The following TOP1MT variants were observed in gnomAD, a reference collection of about 807,000 sequenced individuals.
TOP1MT encodes DNA topoisomerase I mitochondrial.
TOP1MT carries 80 observed loss-of-function variants against 73.9 expected under a neutral mutation model. That is an observed-to-expected ratio of 1.08 (90% CI 0.90 to 1.30). The LOEUF (loss-of-function observed/expected upper bound fraction) is 1.30, where lower values mean the gene tolerates loss of function less well. Among genes scored for constraint, TOP1MT ranks in the 50% most tolerant of loss-of-function variants. The pLI, the probability that TOP1MT is intolerant of heterozygous loss-of-function variation, is 0.00. For missense variants in TOP1MT, 815 were observed against 808.0 expected (o/e 1.01, Z -0.10); for synonymous variants, 338 against 326.4 (o/e 1.04, Z -0.38).
At chr8:143,311,085 T>C (rs1040970945) in intron 12 of TOP1MT, among the ~76,000 whole-genome samples, 3 of 149,646 alleles carry the variant, frequency 2.0e-5, no homozygotes, top group African/African-American at 7.3e-5. Context: ...CCTGAGTAGC[T>C]GGGACTACAG....
intron 8 of TOP1MT, 103 bp from the exon 9 acceptor site, chr8:143,318,189 T>G: frequency 9.7e-7 from 1 of 1,026,724 alleles, no homozygotes; most frequent in Admixed American, 2.0e-5. Context: ...GAGGCTTCCC[T>G]GAGGAAGGTG....
At chr8:143,348,258 A>T (rs1817261993), upstream of TOP1MT, among the ~76,000 whole-genome samples, 1 of 152,220 alleles carries the variant, frequency 6.6e-6, no homozygotes, top group African/African-American at 2.4e-5. This position sits in a 1 kb window ranked among gnomAD's most constrained non-coding sequence, Gnocchi z 4.6. Flanking sequence ...CATGTGAGAA[A>T]ATCACAAGAA....
Position 143,324,491 on chromosome 8 carries a change from C to G in TOP1MT, c.810G>C (p.Lys270Asn). Residue 270 changes from lysine (K) to asparagine (N), a missense_variant, in exon 6 of 14, where the codon AAG (lysine) becomes AAC (asparagine). Transcript: ENST00000329245. ...IKYIMLNPCS[K>N]LKGETAWQKF... ...TGCCAAGCCCTGCGCTCACCTTCAGCTTCGAGCAAGGGTTCAGCATGATGT... is the reference window on the plus strand; with the variant it reads ...TGCCAAGCCCTGCGCTCACCTTCAGGTTCGAGCAAGGGTTCAGCATGATGT... 6.2e-7 allele frequency: 1 copy of G among 1,613,974 alleles called. No individual in the cohort carries two copies. The highest frequency in any genetic ancestry group is 8.5e-7 in the Non-Finnish European group (1 of 1,180,022).
intron 7 of TOP1MT, among the ~76,000 whole-genome samples, chr8:143,323,199 C>A: frequency 7.8e-6 from 1 of 128,940 alleles, no homozygotes; most frequent in South Asian, 2.5e-4. Context: ...ACGCATGCCA[C>A]ACACAGGCAC....
At chr8:143,343,573 C>A in intron 1 of TOP1MT, 1 of 264,980 alleles carries the variant, frequency 3.8e-6, no homozygotes. Flanking sequence ...AGTGGGCAGG[C>A]AGTAAAAGGC....
At chr8:143,347,942 C>T (rs1010500466), upstream of TOP1MT, among the ~76,000 whole-genome samples, 2 of 152,300 alleles carry the variant, frequency 1.3e-5, no homozygotes, top group African/African-American at 2.4e-5. Context: ...GGTCTCCCCA[C>T]GCTGAGGAGG....
chr8:143,355,467 T>C (rs925121188), intron 1 of TOP1MT: 11 of 152,206 alleles, frequency 7.2e-5, no homozygotes, highest in Admixed American at 2.0e-4. Flanking sequence ...TACATGATTA[T>C]CTGACACAAG....
upstream of TOP1MT, among the ~76,000 whole-genome samples, chr8:143,356,785 CAAA>C (rs1161995816): frequency 0.23 from 5,906 of 25,772 alleles, 230 homozygotes; most frequent in Non-Finnish European, 0.29. Context: ...GACTCTGTCT[CAAA>C]AAAAAAAAAA....
chr8:143,342,191 CGCT>C (rs1817107911), intron 2 of TOP1MT, among the ~76,000 whole-genome samples: 1 of 53,540 alleles, frequency 1.9e-5, no homozygotes, highest in East Asian at 4.7e-4. Flanking sequence ...GAGACAGTCT[CGCT>C]GTTATTATTA....
At chr8:143,346,953 CTTTATTTA>C (rs61391831), upstream of TOP1MT, among the ~76,000 whole-genome samples, 1,871 of 140,910 alleles carry the variant, frequency 0.013, 32 homozygotes, top group South Asian at 0.035. Flanking sequence ...AGCCTCACTT[CTTTATTTA>C]TTTATTTATT....
At chr8:143,327,326 G>A (rs1399528532) in intron 3 of TOP1MT, 4 of 152,526 alleles carry the variant, frequency 2.6e-5, no homozygotes, top group South Asian at 2.0e-4. Context: ...GCAGATCACA[G>A]GCAACTGTTT....
intron 5 of TOP1MT, among the ~76,000 whole-genome samples, 194 bp from the exon 6 acceptor site, chr8:143,324,823 C>T (rs1449665700): frequency 6.6e-6 from 1 of 152,222 alleles, no homozygotes; most frequent in Non-Finnish European, 1.5e-5. Flanking sequence ...TCTGCACACA[C>T]AGGAAGGCCA....
chr8:143,343,333 AG>A, intron 1 of TOP1MT: 1 of 450,876 alleles, frequency 2.2e-6, no homozygotes, highest in Non-Finnish European at 4.5e-6. Flanking sequence ...CGGCTCATTT[AG>A]GGTTGCCATT....
intron 7 of TOP1MT, among the ~76,000 whole-genome samples, chr8:143,322,322 G>C (rs1448285750): frequency 8.2e-5 from 3 of 36,482 alleles, no homozygotes; most frequent in African/African-American, 2.5e-4. Flanking sequence ...ACGCCATACA[G>C]ATGCATGCCA....
intron 7 of TOP1MT, among the ~76,000 whole-genome samples, chr8:143,321,989 CACAT>C (rs1272392972): frequency 1.6e-5 from 1 of 61,062 alleles, no homozygotes; most frequent in Non-Finnish European, 3.7e-5. Flanking sequence ...GCACGCCACA[CACAT>C]GCACGCCACA....
chr8:143,330,094 G>A (rs1335198566), intron 2 of TOP1MT, among the ~76,000 whole-genome samples: 1 of 152,232 alleles, frequency 6.6e-6, no homozygotes, highest in Non-Finnish European at 1.5e-5. Flanking sequence ...GAAGGAGGAA[G>A]GCATTTCTGA....
At chr8:143,326,791 T>G (rs1028330020) in intron 3 of TOP1MT, among the ~76,000 whole-genome samples, 2 of 152,194 alleles carry the variant, frequency 1.3e-5, no homozygotes, top group Non-Finnish European at 2.9e-5. Context: ...GTGACGGGAT[T>G]CGCGAGGGCA....
rs780387955 is a variant in TOP1MT, at chr8:143,315,731, T to C, written c.1549A>G (p.Arg517Gly). 7.4e-6 allele frequency: 12 copies of C among 1,613,926 alleles called. No homozygotes were observed. In the South Asian group the frequency reaches 1.2e-4, roughly 16 times the overall value. ...EHKAQGDGKS[R>G]SVLEKKRRLL... The stretch of plus-strand genomic sequence containing the variant: ...TCTGAGGGCACGGGTACTCACCTCC[T>C]GGACTTGCCATCCCCTTGGGCTTTG... Residue 517 changes from arginine to glycine, a missense_variant, in exon 12 of 14, where the codon AGG becomes GGG. Arg to Gly is a moderately radical substitution (Grantham distance 125). Coordinates refer to ENST00000329245, the MANE Select transcript of TOP1MT (RefSeq NM_052963.3).
chr8:143,317,857 C>T lies in TOP1MT; in HGVS notation c.1216-20G>A. ...GGTCGTCTGGGGAGGAAAATGGTCT[C>T]TATAATTACGTGGTTTTGCGGGGCC... On this transcript the variant is annotated intron_variant, in intron 9 of 13. Transcript: ENST00000329245. 6.2e-7 allele frequency: 1 copy of T among 1,613,016 alleles called. No homozygotes were observed. The highest frequency in any genetic ancestry group is 8.5e-7 in the Non-Finnish European group (1 of 1,179,172).
Sources: gnomAD v4.1 joint callset for allele counts (sites outside exome capture counted in the v4.1 genomes callset) on GRCh38, gnomAD v4.1.1 for gene constraint, Gnocchi (gnomAD v3.1) non-coding constraint, MANE v1.5 for transcripts, NCBI Gene and HGNC (gene_info 2026-07-23, HGNC 2026-07-21) for gene names.